Variants in C8orf34 observed in about 807,000 individuals in gnomAD.
C8orf34 encodes the protein chromosome 8 open reading frame 34, also known as uncharacterized protein C8orf34.
In C8orf34, 65 loss-of-function variants were observed where a neutral mutation model predicts 68.3. That is an observed-to-expected ratio of 0.95 (90% CI 0.78 to 1.17). The LOEUF is 1.17. C8orf34 is among the 50% of genes most tolerant of loss of function. The pLI, the probability that C8orf34 is intolerant of heterozygous loss-of-function variation, is 0.00. For synonymous variants in C8orf34, 244 were observed against 241.2 expected (o/e 1.01, Z -0.11); for missense variants, 664 against 655.4 (o/e 1.01, Z -0.14).
At chr8:68,476,105 T>C (rs1039985824) in intron 4 of C8orf34, among the ~76,000 whole-genome samples, 1 of 152,196 alleles carries the variant, frequency 6.6e-6, no homozygotes, top group Non-Finnish European at 1.5e-5. Context: ...TAACTATGCA[T>C]GAGAGAAAAT....
At chr8:68,558,070 G>A (rs1198408915) in intron 7 of C8orf34, among the ~76,000 whole-genome samples, 1 of 152,170 alleles carries the variant, frequency 6.6e-6, no homozygotes, top group African/African-American at 2.4e-5. Flanking sequence ...TCAAACGCCT[G>A]TGGTTCAGAA....
intron 10 of C8orf34, among the ~76,000 whole-genome samples, chr8:68,770,667 A>G (rs1191197677): frequency 2.0e-5 from 3 of 152,342 alleles, no homozygotes; most frequent in Middle Eastern, 3.4e-3. Flanking sequence ...CAGTGAAGGA[A>G]AGAGAAAAAT....
At chr8:68,566,946 A>G (rs1816609107) in intron 7 of C8orf34, among the ~76,000 whole-genome samples, 1 of 152,174 alleles carries the variant, frequency 6.6e-6, no homozygotes, top group Admixed American at 6.5e-5. Flanking sequence ...TGACTTGCGT[A>G]TGTTAAACCA....
intron 11 of C8orf34, among the ~76,000 whole-genome samples, chr8:68,786,538 G>A (rs907883973): frequency 6.6e-6 from 1 of 152,160 alleles, no homozygotes; most frequent in Non-Finnish European, 1.5e-5. Context: ...TGCCTTGCAG[G>A]ATCAGGGAAG....
At chr8:68,670,368 C>G (rs1458398772) in intron 8 of C8orf34, among the ~76,000 whole-genome samples, 1 of 152,154 alleles carries the variant, frequency 6.6e-6, no homozygotes, top group Non-Finnish European at 1.5e-5. Flanking sequence ...AATCCCTTCC[C>G]TAGGAATTTC....
intron 4 of C8orf34, among the ~76,000 whole-genome samples, chr8:68,485,620 G>A (rs1813040742): frequency 1.3e-5 from 2 of 151,762 alleles, no homozygotes; most frequent in African/African-American, 4.8e-5. Flanking sequence ...GCTGAGGCAG[G>A]AGAATCGTTT....
intron 5 of C8orf34, among the ~76,000 whole-genome samples, chr8:68,489,726 A>G (rs984063562): frequency 5.9e-5 from 9 of 152,302 alleles, no homozygotes; most frequent in Non-Finnish European, 1.0e-4. Flanking sequence ...CCTCTACAAA[A>G]AATGGTATCA....
chr8:68,523,248 T>A (rs1814834800), intron 6 of C8orf34, among the ~76,000 whole-genome samples: 1 of 152,220 alleles, frequency 6.6e-6, no homozygotes, highest in Admixed American at 6.5e-5. Context: ...ACTAGACTTT[T>A]ATCTTTATTC....
At chr8:68,386,984 T>TTTCTTGC (rs1258196771) in intron 1 of C8orf34, among the ~76,000 whole-genome samples, 1 of 151,918 alleles carries the variant, frequency 6.6e-6, no homozygotes, top group East Asian at 2.0e-4. Context: ...AGGCATTAAG[T>TTTCTTGC]TTCTTGCTAA....
chr8:68,592,132 C>T (rs1242325288), intron 7 of C8orf34, among the ~76,000 whole-genome samples: 1 of 152,112 alleles, frequency 6.6e-6, no homozygotes, highest in African/African-American at 2.4e-5. Context: ...TGCAATGTCT[C>T]CATTTATTTT....
chr8:68,587,597 TTAA>T (rs1445364989), intron 7 of C8orf34, among the ~76,000 whole-genome samples: 1 of 151,914 alleles, frequency 6.6e-6, no homozygotes, highest in Non-Finnish European at 1.5e-5. Flanking sequence ...TCAAGAAAAC[TTAA>T]TAAAATAAAA....
chr8:68,534,590 A>G (rs1268143916), intron 7 of C8orf34: 4 of 972,928 alleles, frequency 4.1e-6, no homozygotes, highest in Non-Finnish European at 4.9e-6. Flanking sequence ...AGAGAAGCCG[A>G]TTACTCTGGC....
At chr8:68,367,934 A>G (rs1376723788) in intron 1 of C8orf34, among the ~76,000 whole-genome samples, 6 of 146,982 alleles carry the variant, frequency 4.1e-5, no homozygotes, top group Non-Finnish European at 7.5e-5. Flanking sequence ...AAAAAAAAAA[A>G]AAAGAAAAAA....
intron 10 of C8orf34, among the ~76,000 whole-genome samples, chr8:68,741,402 A>G (rs929768305): frequency 6.6e-6 from 1 of 152,118 alleles, no homozygotes; most frequent in Admixed American, 6.5e-5. Flanking sequence ...TGTGCACTGC[A>G]TCTTAATACC....
At chr8:68,464,973 T>C (rs1003528202) in intron 3 of C8orf34, among the ~76,000 whole-genome samples, 2 of 150,550 alleles carry the variant, frequency 1.3e-5, no homozygotes, top group African/African-American at 4.9e-5. Flanking sequence ...ACTAAAGAGC[T>C]TCTGCACAGC....
At position 68,685,812 on chromosome 8, in the gene C8orf34, G is replaced by A. The variant is rs138014030; in HGVS notation, c.1242-23182G>A. On this transcript the variant is annotated intron_variant, in intron 8 of 13. Coordinates refer to ENST00000518698, the MANE Select transcript of C8orf34 (RefSeq NM_052958.4). ...GATAAACTGAGCCTGGGGAGGTTGA[G>A]GCTGCAGTGAGCCATGATCATGCCA... is the stretch of plus-strand genomic sequence containing the variant. 5.9e-3 allele frequency among the ~76,000 whole-genome samples: 889 copies of A among 151,944 alleles called. 14 individuals carry two copies. The highest frequency in any genetic ancestry group is 0.02 in the African/African-American group (843 of 41,422).
intron 1 of C8orf34, among the ~76,000 whole-genome samples, chr8:68,360,985 C>T (rs899699154): frequency 1.3e-5 from 2 of 151,982 alleles, no homozygotes; most frequent in Non-Finnish European, 2.9e-5. Context: ...AAACTCCTGA[C>T]CTCAGGTCAT....
intron 1 of C8orf34, among the ~76,000 whole-genome samples, chr8:68,437,251 G>A (rs1810704059): frequency 6.6e-6 from 1 of 152,008 alleles, no homozygotes; most frequent in Admixed American, 6.6e-5. Flanking sequence ...AAAAATGTAG[G>A]AATACTTCAG....
Position 68,818,279 on chromosome 8 carries a change from A to G in C8orf34, c.*33A>G. 1 of 1,608,354 alleles carries G rather than the reference A, an allele frequency of 6.2e-7. No homozygotes were observed. The highest frequency in any genetic ancestry group is 8.5e-7 in the Non-Finnish European group (1 of 1,175,654). On this transcript the variant is annotated 3_prime_UTR_variant, in exon 14 of 14. Transcript: ENST00000518698. ...AGAAGAAGTTGCAAGTGGTCCTTAA[A>G]GAAATGCAGTTATTCAAATCCTTAT...
Sources: gnomAD v4.1 joint callset for allele counts (sites outside exome capture counted in the v4.1 genomes callset) on GRCh38, gnomAD v4.1.1 for gene constraint, MANE v1.5 for transcripts, NCBI Gene and HGNC (gene_info 2026-07-23, HGNC 2026-07-21) for gene names.